Variants in ZNF428 observed in about 807,000 individuals in gnomAD.
ZNF428 encodes the protein enzyme-like protein PIT13.
Under a neutral mutation model 15.6 loss-of-function variants are expected in ZNF428, and 5 were observed. The ratio of observed to expected loss-of-function variants is 0.32; its 90% CI spans 0.17 to 0.67. The LOEUF (loss-of-function observed/expected upper bound fraction) is 0.67. ZNF428 is among the 30% of genes least tolerant of loss of function. ZNF428 has a pLI of 0.73. For synonymous variants in ZNF428, 97 were observed against 102.2 expected (o/e 0.95, Z 0.31); for missense variants, 237 against 256.0 (o/e 0.93, Z 0.51).
At chr19:43,613,680 A>C (rs1007341510) in intron 2 of ZNF428, 32 of 1,551,422 alleles carry the variant, frequency 2.1e-5, no homozygotes, top group Non-Finnish European at 2.8e-5. Context: ...AAAGAGAGAG[A>C]TCACAGACGA....
At chr19:43,614,939 G>T (rs1253894777) in intron 1 of ZNF428, among the ~76,000 whole-genome samples, 1 of 152,080 alleles carries the variant, frequency 6.6e-6, no homozygotes, top group African/African-American at 2.4e-5. Context: ...CAACAAGGCT[G>T]CCTTCTGGTT....
intron 1 of ZNF428, among the ~76,000 whole-genome samples, chr19:43,617,873 C>CT (rs1405887366): frequency 6.6e-6 from 1 of 151,662 alleles, no homozygotes; most frequent in Non-Finnish European, 1.5e-5. Flanking sequence ...ATTTAATTTT[C>CT]TTTTTTGGGA....
chr19:43,619,026 C>A (rs1049463978), intron 1 of ZNF428, among the ~76,000 whole-genome samples: 2 of 152,108 alleles, frequency 1.3e-5, no homozygotes, highest in Non-Finnish European at 2.9e-5. Flanking sequence ...TGCTGGAGAC[C>A]CCACAATGCC....
chr19:43,612,324 C>T lies in ZNF428; in HGVS notation c.76+1905G>A, dbSNP rs867398191. On this transcript the variant is annotated intron_variant, in intron 2 of 2. Transcript: ENST00000300811. This position sits in a 1 kb window ranked among gnomAD's most constrained non-coding sequence, Gnocchi z 4.2. ...AGCAGTTCCAAGTCCACCAAATCGACCAGTACAAAAAGAGCCCCTTCTAAC... is the reference window on the plus strand; with the variant it reads ...AGCAGTTCCAAGTCCACCAAATCGATCAGTACAAAAAGAGCCCCTTCTAAC... 5.2e-6 allele frequency: 8 copies of T among 1,551,562 alleles called. No individual in the cohort carries two copies. The African/African-American group carries it at 9.6e-5, about 19-fold the overall frequency.
intron 1 of ZNF428, among the ~76,000 whole-genome samples, chr19:43,616,724 C>T (rs953414070): frequency 6.6e-6 from 1 of 152,064 alleles, no homozygotes; most frequent in African/African-American, 2.4e-5. Flanking sequence ...TGTTCCAGAC[C>T]TCTCATCTCT....
intron 2 of ZNF428, chr19:43,613,015 G>C (rs1202643145): frequency 6.4e-7 from 1 of 1,551,596 alleles, no homozygotes; most frequent in Non-Finnish European, 8.7e-7. Flanking sequence ...AGAAGAGGAC[G>C]CACAGCAGAG....
intron 2 of ZNF428, among the ~76,000 whole-genome samples, chr19:43,609,299 G>C (rs1393382332): frequency 6.7e-6 from 1 of 150,164 alleles, no homozygotes; most frequent in South Asian, 2.1e-4. Context: ...ATTTGAAAAG[G>C]TATTTGTGCA....
intron 1 of ZNF428, among the ~76,000 whole-genome samples, chr19:43,619,148 G>A (rs1973408620): frequency 6.6e-6 from 1 of 152,170 alleles, no homozygotes. Context: ...GGACAATAAC[G>A]GCCAGTTCCC....
At chr19:43,609,713 G>T (rs926807713) in intron 2 of ZNF428, among the ~76,000 whole-genome samples, 30 of 151,832 alleles carry the variant, frequency 2.0e-4, no homozygotes, top group Admixed American at 1.6e-3. Flanking sequence ...CTGCACTCCA[G>T]CCTGGGTGAC....
At chr19:43,618,769 A>G (rs1188841523) in intron 1 of ZNF428, among the ~76,000 whole-genome samples, 1 of 152,092 alleles carries the variant, frequency 6.6e-6, no homozygotes, top group Non-Finnish European at 1.5e-5. Flanking sequence ...TCTTTTGGAT[A>G]TAATTGTTTA....
intron 2 of ZNF428, among the ~76,000 whole-genome samples, chr19:43,611,338 T>TC (rs1221659149): frequency 6.7e-6 from 1 of 149,092 alleles, no homozygotes; most frequent in Non-Finnish European, 1.5e-5. Flanking sequence ...TTTTTTTTTT[T>TC]CGAGAGAGAG....
rs1170478035 is a variant in ZNF428 at position 43,612,378 on chromosome 19, G to A, written c.76+1851C>T. The A allele has an allele frequency of 3.9e-6, 6 of 1,551,574 alleles. No individual in the cohort carries two copies. The Admixed American group carries it at 7.8e-5, about 20-fold the overall frequency. ...CCCAGCAGCAGGTCCCGAGTCCGCA[G>A]CAAAGCAAGAACACCCAGCAGGGTG... On this transcript the variant is annotated intron_variant, in intron 2 of 2. Transcript: ENST00000300811. The surrounding 1 kb of genome is among the most constrained non-coding windows in gnomAD (Gnocchi z 4.2).
At chr19:43,613,879 C>G in intron 2 of ZNF428, 3 of 1,551,562 alleles carry the variant, frequency 1.9e-6, no homozygotes, top group East Asian at 2.4e-5. Flanking sequence ...AATCTAGAAG[C>G]TCCAGCGAGG....
At chr19:43,613,723 A>C (rs1171920711) in intron 2 of ZNF428, 5 of 1,547,612 alleles carry the variant, frequency 3.2e-6, no homozygotes, top group East Asian at 2.5e-5. Flanking sequence ...GACAGCGCAG[A>C]CAATCTAGAA....
intron 2 of ZNF428, chr19:43,613,966 A>C: frequency 6.4e-7 from 1 of 1,551,748 alleles, no homozygotes; most frequent in Non-Finnish European, 8.7e-7. Context: ...GCAAGGAGAA[A>C]GCTCATAGCC....
chr19:43,608,397 G>A (rs1239791774), intron 2 of ZNF428: 6 of 320,670 alleles, frequency 1.9e-5, no homozygotes, highest in Middle Eastern at 8.7e-4. Context: ...GGGTGGCCAA[G>A]GTGGGAAGAT....
chr19:43,610,047 C>T (rs922072151), intron 2 of ZNF428, among the ~76,000 whole-genome samples: 6 of 152,114 alleles, frequency 3.9e-5, no homozygotes, highest in South Asian at 2.1e-4. Context: ...AGGCTCCTCA[C>T]CTTCCAACAC....
chr19:43,609,862 G>A (rs365063), intron 2 of ZNF428, among the ~76,000 whole-genome samples: 107,854 of 151,972 alleles, frequency 0.71, 38,593 homozygotes, highest in African/African-American at 0.78. Context: ...CTGTGACCAC[G>A]GTGTGGGAAG....
At chr19:43,616,664 T>C (rs1311765577) in intron 1 of ZNF428, among the ~76,000 whole-genome samples, 1 of 152,174 alleles carries the variant, frequency 6.6e-6, no homozygotes, top group African/African-American at 2.4e-5. Context: ...TGGTATTCCA[T>C]CAAGAGTGGC....
Sources: gnomAD v4.1 joint callset for allele counts (sites outside exome capture counted in the v4.1 genomes callset) on GRCh38, gnomAD v4.1.1 for gene constraint, Gnocchi (gnomAD v3.1) non-coding constraint, MANE v1.5 for transcripts, NCBI Gene and HGNC (gene_info 2026-07-23, HGNC 2026-07-21) for gene names.